The following KCNQ3 variants were observed in gnomAD, a reference collection of about 807,000 sequenced individuals.
KCNQ3 encodes the protein potassium voltage-gated channel subfamily KQT member 3.
In KCNQ3, 30 loss-of-function variants were observed where a neutral mutation model predicts 92.5. The ratio of observed to expected loss-of-function variants is 0.32; its 90% CI spans 0.24 to 0.44. KCNQ3 has a LOEUF of 0.44. Ranked by LOEUF, KCNQ3 falls within the 20% of genes least tolerant of loss-of-function variation. The pLI is 1.00. For synonymous variants in KCNQ3, 450 were observed against 468.8 expected (o/e 0.96, Z 0.52); for missense variants, 913 against 1,140.3 (o/e 0.80, Z 2.87).
At chr8:132,207,950 C>T (rs935396928) in intron 1 of KCNQ3, among the ~76,000 whole-genome samples, 3 of 149,532 alleles carry the variant, frequency 2.0e-5, no homozygotes, top group African/African-American at 2.5e-5. Context: ...AAAGAACGTG[C>T]ATCACACCAG....
chr8:132,210,832 G>A (rs2130298128), intron 1 of KCNQ3, among the ~76,000 whole-genome samples: 1 of 152,354 alleles, frequency 6.6e-6, no homozygotes, highest in Non-Finnish European at 1.5e-5. Flanking sequence ...CCACCTTAAA[G>A]TCTGTCCACC....
At chr8:132,274,763 G>A (rs1259535390) in intron 1 of KCNQ3, among the ~76,000 whole-genome samples, 1 of 152,146 alleles carries the variant, frequency 6.6e-6, no homozygotes, top group Non-Finnish European at 1.5e-5. Flanking sequence ...TTCCCAGTGG[G>A]GTGCTGGGAA....
chr8:132,421,103 C>T (rs1464133638), intron 1 of KCNQ3, among the ~76,000 whole-genome samples: 1 of 152,142 alleles, frequency 6.6e-6, no homozygotes, highest in African/African-American at 2.4e-5. Context: ...AACCTGCAAA[C>T]ATTAGGAGGG....
chr8:132,435,282 T>C lies in KCNQ3; in HGVS notation c.386+44865A>G, dbSNP rs149700444. On this transcript the variant is annotated intron_variant, in intron 1 of 14. Coordinates refer to ENST00000388996, the MANE Select transcript of KCNQ3 (RefSeq NM_004519.4). ...ACACAATAGATGCTCAAATATTCTG[T>C]GGAATGTAACAGTGAGTAAAGGAAT... Among the ~76,000 whole-genome samples, 7 of 152,326 alleles carry C rather than the reference T, an allele frequency of 4.6e-5. No homozygotes were observed. The East Asian group carries it at 1.3e-3, about 29-fold the overall frequency.
intron 1 of KCNQ3, among the ~76,000 whole-genome samples, chr8:132,301,900 G>C (rs368654271): frequency 6.6e-6 from 1 of 152,142 alleles, no homozygotes; most frequent in African/African-American, 2.4e-5. Context: ...AATGAAGGAA[G>C]CCCACAAATA....
chr8:132,307,183 T>C (rs1468322389), intron 1 of KCNQ3, among the ~76,000 whole-genome samples: 1 of 152,204 alleles, frequency 6.6e-6, no homozygotes, highest in Non-Finnish European at 1.5e-5. Flanking sequence ...GGGCCAAAAG[T>C]AGCTTCAGCG....
chr8:132,165,544 T>C (rs16904614), intron 8 of KCNQ3, among the ~76,000 whole-genome samples: 4,901 of 152,280 alleles, frequency 0.032, 289 homozygotes, highest in African/African-American at 0.11. Context: ...CAGCCGAGAC[T>C]GAACACTTGC....
At chr8:132,462,637 T>G (rs912778140) in intron 1 of KCNQ3, among the ~76,000 whole-genome samples, 3 of 152,236 alleles carry the variant, frequency 2.0e-5, no homozygotes, top group South Asian at 2.1e-4. Context: ...TCAGAATATC[T>G]GAAGCCAATC....
intron 9 of KCNQ3, among the ~76,000 whole-genome samples, chr8:132,144,949 A>C (rs1825408009): frequency 6.6e-6 from 1 of 152,162 alleles, no homozygotes; most frequent in Non-Finnish European, 1.5e-5. Flanking sequence ...TATTTCACTT[A>C]ATAGGGACTC....
At chr8:132,395,644 T>C (rs1036822447) in intron 1 of KCNQ3, among the ~76,000 whole-genome samples, 7 of 152,240 alleles carry the variant, frequency 4.6e-5, no homozygotes, top group Non-Finnish European at 1.0e-4. Context: ...ATCCAGCATC[T>C]CCTACTAAAG....
At chr8:132,380,319 TC>T (rs1819713908) in intron 1 of KCNQ3, among the ~76,000 whole-genome samples, 1 of 152,188 alleles carries the variant, frequency 6.6e-6, no homozygotes, top group Admixed American at 6.5e-5. Context: ...CATAGCCCCT[TC>T]CAACCTCACT....
intron 1 of KCNQ3, chr8:132,447,234 T>A (rs1458397591): frequency 6.5e-7 from 1 of 1,535,432 alleles, no homozygotes; most frequent in Non-Finnish European, 8.7e-7. Context: ...CATAAGGTAA[T>A]GAATGCAAGA....
At chr8:132,444,264 G>A (rs1218498913) in intron 1 of KCNQ3, among the ~76,000 whole-genome samples, 1 of 152,118 alleles carries the variant, frequency 6.6e-6, no homozygotes, top group Non-Finnish European at 1.5e-5. Flanking sequence ...TCTCCTGTGT[G>A]CTCCCTCCTG....
At chr8:132,148,905 A>G (rs1373105263) in intron 9 of KCNQ3, among the ~76,000 whole-genome samples, 1 of 152,224 alleles carries the variant, frequency 6.6e-6, no homozygotes, top group East Asian at 1.9e-4. Flanking sequence ...TGCGGACAGC[A>G]GATTGTGAGA....
chr8:132,252,827 C>A (rs4736565), intron 1 of KCNQ3, among the ~76,000 whole-genome samples: 13,304 of 152,250 alleles, frequency 0.087, 664 homozygotes, highest in South Asian at 0.14. Context: ...CAGGTCCCCA[C>A]TCGACCCAGG....
At chr8:132,332,906 G>A (rs1818268297) in intron 1 of KCNQ3, among the ~76,000 whole-genome samples, 1 of 152,204 alleles carries the variant, frequency 6.6e-6, no homozygotes, top group Non-Finnish European at 1.5e-5. Context: ...CCATCATGAT[G>A]TGTTTGTGGG....
At chr8:132,145,241 A>AT (rs1292495408) in intron 9 of KCNQ3, among the ~76,000 whole-genome samples, 3 of 152,244 alleles carry the variant, frequency 2.0e-5, no homozygotes, top group African/African-American at 7.2e-5. Flanking sequence ...CAACTTGTAT[A>AT]TACAGGATCT....
intron 1 of KCNQ3, among the ~76,000 whole-genome samples, chr8:132,232,498 C>A (rs774924236): frequency 3.3e-5 from 5 of 152,194 alleles, no homozygotes; most frequent in Non-Finnish European, 5.9e-5. Flanking sequence ...GTAATGTGGA[C>A]CCAAAGAATA....
intron 1 of KCNQ3, among the ~76,000 whole-genome samples, chr8:132,282,185 A>G (rs1389243260): frequency 6.6e-6 from 1 of 152,230 alleles, no homozygotes; most frequent in East Asian, 1.9e-4. Flanking sequence ...AGACTCCAGC[A>G]GAGTTTCAAA....
Sources: allele counts gnomAD v4.1 joint callset (sites outside exome capture counted in the v4.1 genomes callset), GRCh38; gene constraint gnomAD v4.1.1; transcripts MANE v1.5; gene names NCBI Gene and HGNC (gene_info 2026-07-23, HGNC 2026-07-21).